The following NCAM1 variants were observed in gnomAD, a reference collection of about 807,000 sequenced individuals.
NCAM1 encodes antigen recognized by monoclonal antibody 5.1H11.
Under a neutral mutation model 109.8 loss-of-function variants are expected in NCAM1, and 14 were observed. The observed-to-expected ratio is 0.13, with a 90% CI of 0.08 to 0.20. NCAM1 has a LOEUF of 0.20. NCAM1 is among the 10% of genes least tolerant of loss of function. NCAM1 has a pLI of 1.00. For missense variants in NCAM1, 774 were observed against 1,109.9 expected (o/e 0.70, Z 4.30); for synonymous variants, 418 against 442.9 (o/e 0.94, Z 0.70).
intron 17 of NCAM1, chr11:113,269,516 A>C (rs1555124842): frequency 6.5e-6 from 1 of 152,890 alleles, no homozygotes; most frequent in Non-Finnish European, 1.5e-5. Flanking sequence ...CAGACCTTTC[A>C]CCTTGCCCAT....
intron 1 of NCAM1, among the ~76,000 whole-genome samples, chr11:113,047,621 G>T (rs782395950): frequency 1.3e-5 from 2 of 151,992 alleles, no homozygotes; most frequent in Non-Finnish European, 2.9e-5. Context: ...CTATTCTCAC[G>T]CTGCTATAAG....
intron 1 of NCAM1, among the ~76,000 whole-genome samples, chr11:113,078,417 G>T (rs1181949396): frequency 7.2e-5 from 11 of 151,820 alleles, no homozygotes; most frequent in Admixed American, 1.3e-4. Context: ...TTATTCACCG[G>T]CACTGGGGGT....
chr11:113,104,379 T>C (rs1454094770), intron 1 of NCAM1, among the ~76,000 whole-genome samples: 4 of 151,916 alleles, frequency 2.6e-5, no homozygotes, highest in Admixed American at 6.6e-5. Context: ...TTTTTTCTAT[T>C]ACAAGAAATT....
chr11:113,229,160 G>T (rs1442605512), intron 9 of NCAM1, among the ~76,000 whole-genome samples: 2 of 152,126 alleles, frequency 1.3e-5, no homozygotes, highest in East Asian at 3.9e-4. Flanking sequence ...TACAGAATGG[G>T]AGAAAATTTT....
intron 16 of NCAM1, 80 bp from the exon 17 acceptor site, chr11:113,260,066 C>A: frequency 1.5e-6 from 2 of 1,313,734 alleles, no homozygotes; most frequent in Non-Finnish European, 2.1e-6. Context: ...GTAAGTTTTG[C>A]CTATTGTCTG....
intron 1 of NCAM1, among the ~76,000 whole-genome samples, chr11:112,964,904 T>G (rs746220158): frequency 4.7e-4 from 72 of 152,240 alleles, no homozygotes; most frequent in Non-Finnish European, 7.2e-4. Flanking sequence ...CTATGATTTA[T>G]GTAAGTTTTT....
intron 1 of NCAM1, among the ~76,000 whole-genome samples, chr11:113,111,186 G>T (rs1225852178): frequency 6.6e-6 from 1 of 152,112 alleles, no homozygotes; most frequent in Non-Finnish European, 1.5e-5. Context: ...CACAGCATTT[G>T]TGTGTGATAT....
At chr11:112,966,529 G>A (rs1555065442) in intron 1 of NCAM1, among the ~76,000 whole-genome samples, 6 of 152,210 alleles carry the variant, frequency 3.9e-5, no homozygotes, top group Admixed American at 3.3e-4. Context: ...TTACTGTAGG[G>A]TAATAGAATA....
At chr11:113,107,480 C>A (rs76459171) in intron 1 of NCAM1, among the ~76,000 whole-genome samples, 1,638 of 152,222 alleles carry the variant, frequency 0.011, 8 homozygotes, top group Middle Eastern at 0.031. Flanking sequence ...AAAGACATAC[C>A]TGAGACTGGG....
chr11:113,225,103 G>C (rs890871773), intron 9 of NCAM1, among the ~76,000 whole-genome samples: 4 of 152,234 alleles, frequency 2.6e-5, no homozygotes, highest in African/African-American at 9.6e-5. Flanking sequence ...GATGAGTTGA[G>C]AGAAGAAGGC....
At chr11:113,034,755 T>C (rs897931837) in intron 1 of NCAM1, among the ~76,000 whole-genome samples, 2 of 152,196 alleles carry the variant, frequency 1.3e-5, no homozygotes, top group African/African-American at 2.4e-5. Context: ...GGTTTATAAA[T>C]ATTAAATCAA....
chr11:113,275,084 G>A (rs549419440), intron 19 of NCAM1, among the ~76,000 whole-genome samples, 183 bp from the exon 20 acceptor site: 62 of 152,284 alleles, frequency 4.1e-4, no homozygotes, highest in African/African-American at 1.4e-3. Flanking sequence ...CAGGATTTCC[G>A]CGAACACAGC....
At position 113,037,326 on chromosome 11, in the gene NCAM1, G is replaced by A. The variant is rs188831341; in HGVS notation, c.52+75662G>A. Among the ~76,000 whole-genome samples the A allele has an allele frequency of 6.2e-4, 95 of 152,300 alleles. 1 individual carries two copies. Among genetic ancestry groups the A allele is most frequent in the Admixed American group, 2.7e-3 (42 of 15,304 alleles). ...AGAAAAACAAGAGGGTTGGGTTTGT[G>A]AGCTGTAATCCCTTTGCTCTTTTCC... On this transcript the variant is annotated intron_variant, in intron 1 of 19. Coordinates refer to ENST00000316851, the MANE Select transcript of NCAM1 (RefSeq NM_181351.5).
intron 1 of NCAM1, among the ~76,000 whole-genome samples, chr11:113,044,997 G>A (rs1015659114): frequency 2.6e-5 from 4 of 152,046 alleles, no homozygotes; most frequent in Non-Finnish European, 4.4e-5. Flanking sequence ...CTCGTGATCC[G>A]CCCGCCTCGG....
chr11:113,019,562 G>A (rs1490333732), intron 1 of NCAM1, among the ~76,000 whole-genome samples: 1 of 152,088 alleles, frequency 6.6e-6, no homozygotes, highest in Admixed American at 6.5e-5. Context: ...AAATGCTGCT[G>A]CATCTTGGCC....
intron 1 of NCAM1, among the ~76,000 whole-genome samples, chr11:113,103,610 G>C (rs906339091): frequency 6.6e-6 from 1 of 152,134 alleles, no homozygotes; most frequent in African/African-American, 2.4e-5. Flanking sequence ...TAATGGGTGG[G>C]TTATCACTGG....
chr11:113,151,022 C>G (rs1214639689), intron 1 of NCAM1, among the ~76,000 whole-genome samples: 2 of 152,124 alleles, frequency 1.3e-5, no homozygotes, highest in African/African-American at 2.4e-5. Flanking sequence ...GTAGTAGGAG[C>G]AGGATATGGC....
intron 1 of NCAM1, among the ~76,000 whole-genome samples, chr11:112,987,316 T>C (rs1219098574): frequency 6.6e-6 from 1 of 152,274 alleles, no homozygotes; most frequent in Admixed American, 6.5e-5. Context: ...GCCTAACATA[T>C]GGTCTGTCCT....
intron 1 of NCAM1, among the ~76,000 whole-genome samples, chr11:113,147,109 G>A (rs1386138016): frequency 6.6e-6 from 1 of 152,110 alleles, no homozygotes; most frequent in Non-Finnish European, 1.5e-5. Flanking sequence ...GTGATCACTT[G>A]CATTTTCAGG....
Sources: allele counts gnomAD v4.1 joint callset (sites outside exome capture counted in the v4.1 genomes callset), GRCh38; gene constraint gnomAD v4.1.1; transcripts MANE v1.5; gene names NCBI Gene and HGNC (gene_info 2026-07-23, HGNC 2026-07-21).